Variants in RIMBP2 observed in about 807,000 individuals in gnomAD.
The protein encoded by RIMBP2 is RIMS binding protein 2.
Under a neutral mutation model 118.6 loss-of-function variants are expected in RIMBP2, and 48 were observed. That is an observed-to-expected ratio of 0.40 (90% confidence interval 0.32 to 0.51). The LOEUF (loss-of-function observed/expected upper bound fraction) is 0.51, where lower values mean the gene tolerates loss of function less well. Ranked by LOEUF, RIMBP2 falls within the 20% of genes least tolerant of loss-of-function variation. The pLI, the probability that RIMBP2 is intolerant of heterozygous loss-of-function variation, is 0.41. For synonymous variants in RIMBP2, 762 were observed against 742.9 expected, an observed-to-expected ratio of 1.03 and a Z score of -0.42; for missense variants, 1,551 against 1,768.3, an observed-to-expected ratio of 0.88 and a Z score of 2.20.
intron 2 of RIMBP2, among the ~76,000 whole-genome samples, chr12:130,595,049 T>G (rs2059473116): frequency 6.6e-6 from 1 of 152,200 alleles, no homozygotes; most frequent in South Asian, 2.1e-4. Flanking sequence ...TCTATAAGAT[T>G]GGCACTAGCA....
At chr12:130,558,955 T>C (rs1356079) in intron 2 of RIMBP2, among the ~76,000 whole-genome samples, 2,636 of 152,328 alleles carry the variant, frequency 0.017, 60 homozygotes, top group African/African-American at 0.058. Context: ...TCCCTCTTTT[T>C]TAAAAGCTTA....
intron 2 of RIMBP2, among the ~76,000 whole-genome samples, chr12:130,521,049 A>G (rs1272953364): frequency 6.6e-6 from 1 of 152,154 alleles, no homozygotes; most frequent in Non-Finnish European, 1.5e-5. Context: ...CCACCCTGAC[A>G]TGCATGTGTT....
intron 6 of RIMBP2, among the ~76,000 whole-genome samples, chr12:130,459,125 A>T (rs1423546422): frequency 1.3e-5 from 2 of 151,996 alleles, no homozygotes; most frequent in Non-Finnish European, 2.9e-5. Flanking sequence ...GCAATAAAGA[A>T]CAGATCAGCG....
At chr12:130,672,107 C>T (rs1203008328) in intron 1 of RIMBP2, among the ~76,000 whole-genome samples, 1 of 152,138 alleles carries the variant, frequency 6.6e-6, no homozygotes, top group Non-Finnish European at 1.5e-5. Context: ...AGACTCGTGT[C>T]GGTTGGACGA....
intron 2 of RIMBP2, among the ~76,000 whole-genome samples, chr12:130,562,052 C>T (rs568080414): frequency 1.8e-4 from 28 of 152,156 alleles, no homozygotes; most frequent in African/African-American, 6.7e-4. Flanking sequence ...TGAAATAAAG[C>T]ATAAAATCAG....
intron 2 of RIMBP2, among the ~76,000 whole-genome samples, chr12:130,563,946 C>A (rs1431513983): frequency 7.5e-6 from 1 of 132,518 alleles, no homozygotes; most frequent in Non-Finnish European, 1.6e-5. Flanking sequence ...GGCTTCCCAG[C>A]CTCCTCTGCT....
chr12:130,596,858 G>C (rs908609898), intron 2 of RIMBP2, among the ~76,000 whole-genome samples: 6 of 152,188 alleles, frequency 3.9e-5, no homozygotes, highest in African/African-American at 1.4e-4. Context: ...TTAAATGGAT[G>C]AATTTCGTGG....
At chr12:130,582,027 C>T (rs1376684081) in intron 2 of RIMBP2, among the ~76,000 whole-genome samples, 3 of 152,054 alleles carry the variant, frequency 2.0e-5, no homozygotes, top group African/African-American at 7.2e-5. Context: ...CACTCTCTTC[C>T]GTGAATACCC....
At chr12:130,597,459 G>A (rs1168230283) in intron 2 of RIMBP2, among the ~76,000 whole-genome samples, 1 of 152,266 alleles carries the variant, frequency 6.6e-6, no homozygotes, top group African/African-American at 2.4e-5. Context: ...GGTCAGGCTG[G>A]TCTCAAACTC....
At chr12:130,631,029 G>C (rs2061965975) in intron 1 of RIMBP2, among the ~76,000 whole-genome samples, 1 of 152,074 alleles carries the variant, frequency 6.6e-6, no homozygotes, top group Non-Finnish European at 1.5e-5. Flanking sequence ...GGATAGAGAA[G>C]AATTCCAAGG....
chr12:130,535,468 C>T (rs1250684027), intron 2 of RIMBP2, among the ~76,000 whole-genome samples: 6 of 151,980 alleles, frequency 3.9e-5, no homozygotes, highest in African/African-American at 1.4e-4. Context: ...GAGCCAAGAT[C>T]ATGCCTCTGC....
At chr12:130,634,135 C>T (rs2062189537) in intron 1 of RIMBP2, among the ~76,000 whole-genome samples, 1 of 152,224 alleles carries the variant, frequency 6.6e-6, no homozygotes, top group South Asian at 2.1e-4. Flanking sequence ...CACAAGACAC[C>T]ACCTTCCTTT....
intron 6 of RIMBP2, among the ~76,000 whole-genome samples, chr12:130,462,405 C>T (rs1038979144): frequency 5.3e-5 from 8 of 152,182 alleles, no homozygotes; most frequent in African/African-American, 1.7e-4. Flanking sequence ...ACAGCTGCCC[C>T]GAGGATGCCT....
intron 5 of RIMBP2, among the ~76,000 whole-genome samples, chr12:130,474,851 A>T (rs994542186): frequency 2.0e-5 from 3 of 151,818 alleles, no homozygotes; most frequent in African/African-American, 7.3e-5. Flanking sequence ...CGCTTCTACC[A>T]TCGTCATGAC....
chr12:130,487,394 C>T (rs1291826630), intron 4 of RIMBP2, among the ~76,000 whole-genome samples: 1 of 152,160 alleles, frequency 6.6e-6, no homozygotes, highest in Non-Finnish European at 1.5e-5. Context: ...TCTGAGTTCA[C>T]TCGAGAGCTG....
intron 1 of RIMBP2, among the ~76,000 whole-genome samples, chr12:130,646,097 A>G (rs1193168644): frequency 2.5e-5 from 3 of 119,378 alleles, no homozygotes; most frequent in South Asian, 2.6e-4. Flanking sequence ...TTCCCTCTCC[A>G]CCTCCCTCTC....
chr12:130,426,432 A>T (rs1483484155), intron 15 of RIMBP2: 2 of 152,302 alleles, frequency 1.3e-5, no homozygotes, highest in Admixed American at 1.3e-4. Flanking sequence ...GGCGCGTGCC[A>T]CCACGCCCAG....
At chr12:130,484,991 G>A (rs1308278889) in intron 4 of RIMBP2, among the ~76,000 whole-genome samples, 1 of 152,164 alleles carries the variant, frequency 6.6e-6, no homozygotes, top group Non-Finnish European at 1.5e-5. Context: ...TCATAGAGGT[G>A]TTTTGAATTT....
At chr12:130,406,058 C>A in intron 21 of RIMBP2, 114 bp downstream of exon 21, 2 of 681,726 alleles carry the variant, frequency 2.9e-6, no homozygotes, top group South Asian at 1.8e-5. Flanking sequence ...TATCAGCAGG[C>A]GTATGACGTT....
Sources: allele counts gnomAD v4.1 joint callset (sites outside exome capture counted in the v4.1 genomes callset), GRCh38; gene constraint gnomAD v4.1.1; transcripts MANE v1.5; gene names NCBI Gene and HGNC (gene_info 2026-07-23, HGNC 2026-07-21).